The following CCNY variants were observed in gnomAD, a reference collection of about 807,000 sequenced individuals.
CCNY encodes cyclin Y, also known as cyclin-Y.
Under a neutral mutation model 42.8 loss-of-function variants are expected in CCNY, and 19 were observed. That is an observed-to-expected ratio of 0.44 (90% CI 0.31 to 0.65). CCNY has a LOEUF of 0.65. Ranked by LOEUF, CCNY falls within the 30% of genes least tolerant of loss-of-function variation. The pLI, the probability that CCNY is intolerant of heterozygous loss-of-function variation, is 0.07. For synonymous variants in CCNY, 165 were observed against 162.7 expected, an observed-to-expected ratio of 1.01 and a Z score of -0.11; for missense variants, 370 against 437.3, an observed-to-expected ratio of 0.85 and a Z score of 1.37.
intron 1 of CCNY, among the ~76,000 whole-genome samples, chr10:35,378,388 C>T (rs1017285662): frequency 6.6e-6 from 1 of 152,052 alleles, no homozygotes; most frequent in Non-Finnish European, 1.5e-5. Context: ...TTGGCTTCAG[C>T]GGGTGTGATC....
chr10:35,428,231 A>G (rs781641140), intron 1 of CCNY, among the ~76,000 whole-genome samples: 28 of 152,194 alleles, frequency 1.8e-4, no homozygotes, highest in Non-Finnish European at 3.4e-4. Flanking sequence ...AGCCACCCCA[A>G]TGAGTGGCAG....
At chr10:35,547,419 A>G (rs568471754) in intron 7 of CCNY, among the ~76,000 whole-genome samples, 1 of 152,144 alleles carries the variant, frequency 6.6e-6, no homozygotes, top group Non-Finnish European at 1.5e-5. Context: ...TGCAGTTACA[A>G]TGCCGTGCTT....
At chr10:35,536,669 G>A (rs1470989020) in intron 7 of CCNY, among the ~76,000 whole-genome samples, 1 of 152,190 alleles carries the variant, frequency 6.6e-6, no homozygotes, top group East Asian at 1.9e-4. Context: ...TTTTAGCAAA[G>A]AAACTGGTGG....
intron 4 of CCNY, among the ~76,000 whole-genome samples, chr10:35,520,265 CAGAA>C (rs1198287842): frequency 2.0e-5 from 3 of 152,124 alleles, no homozygotes. Context: ...AAGGGATACT[CAGAA>C]GGAAGAGTAG....
chr10:35,448,001 G>A (rs116393920), intron 1 of CCNY, among the ~76,000 whole-genome samples: 1 of 152,174 alleles, frequency 6.6e-6, no homozygotes, highest in Non-Finnish European at 1.5e-5. Context: ...TATCAGAAAG[G>A]CCACTTGTTC....
chr10:35,474,395 C>T (rs528165610), intron 1 of CCNY, among the ~76,000 whole-genome samples: 2 of 152,230 alleles, frequency 1.3e-5, no homozygotes, highest in African/African-American at 2.4e-5. Context: ...TTAAATGTCC[C>T]TGTCTGACAG....
At chr10:35,375,469 C>G (rs1837031663) in intron 1 of CCNY, among the ~76,000 whole-genome samples, 1 of 152,194 alleles carries the variant, frequency 6.6e-6, no homozygotes, top group Non-Finnish European at 1.5e-5. Flanking sequence ...TTGAAGCCAG[C>G]AGATTAGCAG....
intron 8 of CCNY, among the ~76,000 whole-genome samples, chr10:35,559,614 A>T (rs1395284118): frequency 6.6e-6 from 1 of 152,270 alleles, no homozygotes; most frequent in East Asian, 1.9e-4. Flanking sequence ...TCAGCCAGCC[A>T]TCTCAGCAGA....
chr10:35,466,188 A>G (rs911205971), intron 1 of CCNY, among the ~76,000 whole-genome samples: 1 of 152,098 alleles, frequency 6.6e-6, no homozygotes, highest in Non-Finnish European at 1.5e-5. Context: ...GTACACAGGC[A>G]TGTACCAGGC....
At chr10:35,505,494 T>G (rs532869437) in intron 3 of CCNY, among the ~76,000 whole-genome samples, 18 of 152,272 alleles carry the variant, frequency 1.2e-4, no homozygotes, top group African/African-American at 4.3e-4. Flanking sequence ...TAGGGAGAGT[T>G]ACTTATCAGC....
At chr10:35,448,302 G>A (rs1270057502) in intron 1 of CCNY, among the ~76,000 whole-genome samples, 1 of 152,194 alleles carries the variant, frequency 6.6e-6, no homozygotes, top group Admixed American at 6.5e-5. Context: ...AAAGCAGGAA[G>A]TTAAGGGTGG....
intron 1 of CCNY, among the ~76,000 whole-genome samples, chr10:35,455,730 T>G (rs1379410761): frequency 6.6e-6 from 1 of 152,024 alleles, no homozygotes; most frequent in African/African-American, 2.4e-5. Context: ...TTGGCATATT[T>G]TATTGAACAT....
intron 9 of CCNY, among the ~76,000 whole-genome samples, chr10:35,567,619 T>G (rs1271254944): frequency 6.6e-6 from 1 of 152,180 alleles, no homozygotes; most frequent in Non-Finnish European, 1.5e-5. Flanking sequence ...GCAGAGTTGG[T>G]GTGGCATCAT....
At chr10:35,484,298 C>CA (rs1385735839) in intron 2 of CCNY, among the ~76,000 whole-genome samples, 2 of 152,122 alleles carry the variant, frequency 1.3e-5, no homozygotes, top group Non-Finnish European at 2.9e-5. Context: ...AGAAAATAAC[C>CA]AAACATGTTT....
At chr10:35,383,329 A>G (rs187299453) in intron 1 of CCNY, among the ~76,000 whole-genome samples, 3 of 150,478 alleles carry the variant, frequency 2.0e-5, no homozygotes, top group East Asian at 1.9e-4. Flanking sequence ...TTTTTTTAAG[A>G]TGGTGTTTTG....
At chr10:35,351,924 AT>A (rs1414584775) in intron 1 of CCNY, among the ~76,000 whole-genome samples, 2 of 152,162 alleles carry the variant, frequency 1.3e-5, no homozygotes, top group Non-Finnish European at 2.9e-5. Context: ...TGGTGGTTGG[AT>A]TTAGCCATCT....
At chr10:35,451,765 C>T (rs1434617609) in intron 1 of CCNY, among the ~76,000 whole-genome samples, 1 of 152,194 alleles carries the variant, frequency 6.6e-6, no homozygotes, top group Non-Finnish European at 1.5e-5. Context: ...ATGTCTTTTA[C>T]CCTCTACAAC....
intron 1 of CCNY, among the ~76,000 whole-genome samples, chr10:35,371,350 C>T (rs984973273): frequency 6.6e-6 from 1 of 152,194 alleles, no homozygotes; most frequent in Non-Finnish European, 1.5e-5. Flanking sequence ...CTAGTTCCTG[C>T]CTTGATTTAC....
chr10:35,407,139 G>A (rs1200602721), intron 1 of CCNY, among the ~76,000 whole-genome samples: 1 of 152,188 alleles, frequency 6.6e-6, no homozygotes, highest in Non-Finnish European at 1.5e-5. Context: ...CCTTGATTAT[G>A]CCTTTAGCTC....
Sources: gnomAD v4.1 joint callset for allele counts (sites outside exome capture counted in the v4.1 genomes callset) on GRCh38, gnomAD v4.1.1 for gene constraint, MANE v1.5 for transcripts, NCBI Gene and HGNC (gene_info 2026-07-23, HGNC 2026-07-21) for gene names.